The following SUDS3 variants were observed in gnomAD, a reference collection of about 807,000 sequenced individuals.
The protein encoded by SUDS3 is SIN3A corepressor complex component SDS3, also known as sin3 histone deacetylase corepressor complex component SDS3.
In SUDS3, 23 loss-of-function variants were observed where a neutral mutation model predicts 53.5. The observed-to-expected ratio is 0.43, with a 90% CI of 0.31 to 0.61. The LOEUF (loss-of-function observed/expected upper bound fraction) is 0.61, where lower values mean the gene tolerates loss of function less well. Among genes scored for constraint, SUDS3 ranks in the 20% least tolerant of loss-of-function variants. The pLI is 0.10. For synonymous variants in SUDS3, 150 were observed against 148.5 expected (o/e 1.01, Z -0.08); for missense variants, 291 against 405.9 (o/e 0.72, Z 2.43).
Position 118,405,507 on chromosome 12 carries a change from A to G in SUDS3, c.803+1990A>G, listed in dbSNP as rs368373898. Among the ~76,000 whole-genome samples the G allele has an allele frequency of 2.6e-5, 4 of 152,382 alleles. No individual in the cohort carries two copies. In the South Asian group the frequency reaches 8.3e-4, roughly 32 times the overall value. On this transcript the variant is annotated intron_variant, in intron 10 of 11. Coordinates refer to ENST00000543473, the MANE Select transcript of SUDS3 (RefSeq NM_022491.3). ...TAAGCATTTTGAAGGAATTTTCACC[A>G]TCTTTCTTACATTAACAGCAGAAAT...
chr12:118,377,702 G>T (rs1204511601), intron 1 of SUDS3, among the ~76,000 whole-genome samples: 1 of 152,176 alleles, frequency 6.6e-6, no homozygotes, highest in Non-Finnish European at 1.5e-5. Context: ...GAGGAGGAAG[G>T]TGATGAAATG....
intron 6 of SUDS3, among the ~76,000 whole-genome samples, chr12:118,396,391 A>G (rs2046215798): frequency 6.6e-6 from 1 of 152,140 alleles, no homozygotes. Flanking sequence ...AGCTGGGACT[A>G]CAGGCACCTG....
intron 11 of SUDS3, among the ~76,000 whole-genome samples, 192 bp downstream of exon 11, chr12:118,411,349 A>G (rs77121631): frequency 0.02 from 3,033 of 152,316 alleles, 51 homozygotes; most frequent in Non-Finnish European, 0.027. Context: ...CATTCGCTTG[A>G]CTACAACATA....
In SUDS3 at chr12:118,401,813, TA is replaced by T. The variant is rs1284902133; in HGVS notation, c.671del (p.Asn224IlefsTer34). 1 of 1,613,862 alleles carries T rather than the reference TA, an allele frequency of 6.2e-7. No individual in the cohort carries two copies. The highest frequency in any genetic ancestry group is 8.5e-7 in the Non-Finnish European group (1 of 1,179,766). On this transcript the variant is annotated frameshift_variant, in exon 8 of 12. Transcript: ENST00000543473. LOFTEE classifies it high-confidence loss of function. Reference protein sequence around the residue: ...DEQIMEDLRTLNKLKSPKRPA... With the variant: ...DEQIMEDLRTXNKLKSPKRPA... ...CAGATCATGGAGGATCTGAGAACAT[TA>T]AATAAGGTACGGTTTGACTTTTTTG... is the stretch of plus-strand genomic sequence containing the variant.
chr12:118,412,005 C>G (rs552586346), intron 11 of SUDS3, among the ~76,000 whole-genome samples: 1 of 152,212 alleles, frequency 6.6e-6, no homozygotes, highest in Non-Finnish European at 1.5e-5. Context: ...ACGACCCACA[C>G]GCCACTTGCC....
At chr12:118,408,044 G>A (rs1042775044) in intron 10 of SUDS3, among the ~76,000 whole-genome samples, 1 of 152,046 alleles carries the variant, frequency 6.6e-6, no homozygotes, top group African/African-American at 2.4e-5. Flanking sequence ...GGGACTACAG[G>A]CACCCGCCAC....
chr12:118,386,296 TGTCA>T, intron 4 of SUDS3, 111 bp downstream of exon 4: 2 of 846,272 alleles, frequency 2.4e-6, no homozygotes, highest in Non-Finnish European at 3.7e-6. Flanking sequence ...CCAGATACTC[TGTCA>T]GGGAGAGTTT....
intron 2 of SUDS3, among the ~76,000 whole-genome samples, chr12:118,382,015 T>C (rs1453090688): frequency 6.6e-6 from 1 of 152,070 alleles, no homozygotes; most frequent in African/African-American, 2.4e-5. Context: ...TTCAGCTAGG[T>C]CTAACCAGTG....
chr12:118,413,696 G>T (rs1373145998), intron 11 of SUDS3, among the ~76,000 whole-genome samples: 5 of 152,154 alleles, frequency 3.3e-5, no homozygotes, highest in Non-Finnish European at 7.3e-5. Context: ...CAATTCAATG[G>T]AAGAATGCAT....
Position 118,417,935 on chromosome 12 carries a change from G to A in SUDS3, c.*3502G>A, listed in dbSNP as rs1169587419. ...CTGGGGTGTTGACCCTTAAATGTTT[G>A]TGCACTCTTCTTGTTGCAGATAAAA... On this transcript the variant is annotated 3_prime_UTR_variant, in exon 12 of 12. Coordinates refer to ENST00000543473, the MANE Select transcript of SUDS3 (RefSeq NM_022491.3). 6.6e-6 allele frequency: 1 copy of A among 152,108 alleles called. No homozygotes were observed. Among genetic ancestry groups the A allele is most frequent in the East Asian group, 1.9e-4 (1 of 5,182 alleles). The allele number at this position is 152,108 out of a possible 1,614,324, so 9.4% of individuals were successfully genotyped here.
At chr12:118,385,898 G>A (rs2046110767) in intron 3 of SUDS3, among the ~76,000 whole-genome samples, 2 of 152,140 alleles carry the variant, frequency 1.3e-5, no homozygotes, top group Non-Finnish European at 2.9e-5. Flanking sequence ...ACTCACTACA[G>A]ACCCTTGATC....
At chr12:118,394,982 G>T (rs2046200490) in intron 6 of SUDS3, among the ~76,000 whole-genome samples, 1 of 152,102 alleles carries the variant, frequency 6.6e-6, no homozygotes, top group African/African-American at 2.4e-5. Flanking sequence ...ACTACATCTG[G>T]CTTTTTTACT....
At chr12:118,393,863 G>A (rs950396597) in intron 6 of SUDS3, among the ~76,000 whole-genome samples, 1 of 151,704 alleles carries the variant, frequency 6.6e-6, no homozygotes, top group Non-Finnish European at 1.5e-5. Flanking sequence ...TAGAGACAGG[G>A]TTTCATCATG....
chr12:118,390,412 G>T (rs2046154439), intron 5 of SUDS3, among the ~76,000 whole-genome samples: 1 of 152,176 alleles, frequency 6.6e-6, no homozygotes, highest in Admixed American at 6.5e-5. Flanking sequence ...CAGAGATGAG[G>T]GCCTGAATCT....
Position 118,414,707 on chromosome 12 carries a change from ATTTC to A in SUDS3, c.*278_*281del. ...GGGGGGTTTGATTTACTTTCCTTTTATTTCTTTATTTTTTGCTTATACTTGTTTT... is the reference window on the plus strand; with the variant it reads ...GGGGGGTTTGATTTACTTTCCTTTTATTTATTTTTTGCTTATACTTGTTTT... On this transcript the variant is annotated 3_prime_UTR_variant, in exon 12 of 12. Coordinates refer to ENST00000543473, the MANE Select transcript of SUDS3 (RefSeq NM_022491.3). 3.3e-6 allele frequency: 1 copy of A among 306,940 alleles called. No homozygotes were observed. The allele number at this position is 306,940 out of a possible 1,614,324, so 19.0% of individuals were successfully genotyped here. A position where few individuals can be genotyped will look rare whatever the true frequency, so the allele number is the denominator to read the frequency against.
chr12:118,378,903 G>A (rs940123651), intron 1 of SUDS3, among the ~76,000 whole-genome samples: 7 of 151,906 alleles, frequency 4.6e-5, no homozygotes, highest in Admixed American at 3.9e-4. Context: ...TCGAACTCCC[G>A]ACCTCAGGTG....
At chr12:118,393,550 G>T (rs2046186824) in intron 6 of SUDS3, among the ~76,000 whole-genome samples, 1 of 152,166 alleles carries the variant, frequency 6.6e-6, no homozygotes, top group African/African-American at 2.4e-5. Context: ...AAGAATTATA[G>T]GTCAGTGCAT....
chr12:118,397,310 C>T (rs2046224999), intron 6 of SUDS3, among the ~76,000 whole-genome samples: 1 of 152,112 alleles, frequency 6.6e-6, no homozygotes, highest in Non-Finnish European at 1.5e-5. Flanking sequence ...CGTCTTGGGA[C>T]TCTTAGAGTC....
In SUDS3 at chr12:118,380,202, T is replaced by C. The variant is rs768830268; in HGVS notation, c.183T>C (p.Asp61=). The C allele has an allele frequency of 2.5e-6, 4 of 1,609,052 alleles. No homozygotes were observed. Among genetic ancestry groups the C allele is most frequent in the Non-Finnish European group, 3.4e-6 (4 of 1,177,776 alleles). Residue 61 remains aspartate, a synonymous_variant, in exon 2 of 12, where the codon GAT becomes GAC. Transcript: ENST00000543473. ...DASETDLAKH[D]EEDYVEMKEQ... is the part of the protein sequence containing the mutation. ...GTGAAACTGACCTGGCAAAGCATGATGAAGAAGACTATGTAGAAATGAAGG... is the reference window on the plus strand; with the variant it reads ...GTGAAACTGACCTGGCAAAGCATGACGAAGAAGACTATGTAGAAATGAAGG...
Sources: gnomAD v4.1 joint callset for allele counts (sites outside exome capture counted in the v4.1 genomes callset) on GRCh38, gnomAD v4.1.1 for gene constraint, MANE v1.5 for transcripts, NCBI Gene and HGNC (gene_info 2026-07-23, HGNC 2026-07-21) for gene names.